SEMA4G: variants seen among roughly 807,000 people sequenced by gnomAD.
SEMA4G encodes the protein semaphorin-4G.
A neutral mutation model predicts 81.2 loss-of-function variants in SEMA4G; 59 were observed. The ratio of observed to expected loss-of-function variants is 0.73; its 90% CI spans 0.59 to 0.90. The LOEUF (loss-of-function observed/expected upper bound fraction) is 0.90, where lower values mean the gene tolerates loss of function less well. Among genes scored for constraint, SEMA4G ranks in the 40% least tolerant of loss-of-function variants. The probability of loss-of-function intolerance (pLI) is 0.00; values close to 1 mark genes in which losing one functional copy is unlikely to be tolerated. For missense variants in SEMA4G, 952 were observed against 1,102.3 expected, an observed-to-expected ratio of 0.86 and a Z score of 1.93; for synonymous variants, 404 against 433.9, an observed-to-expected ratio of 0.93 and a Z score of 0.86.
chr10:100,970,804 TTGCC>T (rs923134405), upstream of SEMA4G, among the ~76,000 whole-genome samples: 28 of 152,300 alleles, frequency 1.8e-4, no homozygotes, highest in Middle Eastern at 3.4e-3. Flanking sequence ...GTGAACATGA[TTGCC>T]TGGCCCACTA....
intron 3 of SEMA4G, among the ~76,000 whole-genome samples, chr10:100,977,380 G>GAC (rs1850845878): frequency 6.6e-6 from 1 of 152,330 alleles, no homozygotes; most frequent in Admixed American, 6.5e-5. Flanking sequence ...AACTGCAAGA[G>GAC]ACACAGGAGA....
upstream of SEMA4G, chr10:100,969,987 G>A (rs968058914): frequency 4.7e-6 from 2 of 429,102 alleles, no homozygotes; most frequent in Admixed American, 4.8e-5. Flanking sequence ...GGGGGTCCCG[G>A]GGGAGGGGCT....
intron 3 of SEMA4G, among the ~76,000 whole-genome samples, chr10:100,974,198 C>T (rs1850715958): frequency 6.6e-6 from 1 of 152,030 alleles, no homozygotes; most frequent in Non-Finnish European, 1.5e-5. Flanking sequence ...AACGCGGTGG[C>T]TCACATCTGT....
chr10:100,979,758 A>G, intron 8 of SEMA4G, 90 bp from the exon 10 acceptor site: 1 of 1,499,018 alleles, frequency 6.7e-7, no homozygotes, highest in Middle Eastern at 1.9e-4. Context: ...GGGGTTGGCC[A>G]GGGTAACAGT....
rs1164044499 is a variant in SEMA4G at position 100,979,409 on chromosome 10, A to G, written c.983+138A>G. The G allele has an allele frequency of 1.2e-5, 19 of 1,572,132 alleles. No homozygotes were observed. In the African/African-American group the frequency reaches 1.4e-4, roughly 11 times the overall value. ...GAATTTTTTTTTTTTTTTAAGAGGG[A>G]GTCTTGCTCTGTTGCCAGGCTGGAG... is the stretch of plus-strand genomic sequence containing the variant. On this transcript the variant is annotated intron_variant, in intron 8 of 13. Transcript: ENST00000370250.
chr10:100,983,878 A>C, exon 14 of SEMA4G: 1 of 1,557,806 alleles, frequency 6.4e-7, no homozygotes, highest in Non-Finnish European at 8.7e-7. Context: ...AGCTGTCTCC[A>C]GATCATCCCT....
exon 14 of SEMA4G, chr10:100,983,554 G>A (rs1204049997): frequency 5.6e-6 from 9 of 1,613,854 alleles, no homozygotes; most frequent in Non-Finnish European, 8.5e-7. Context: ...GCCTCCTATA[G>A]TCTCACAGTC....
At chr10:100,982,238 G>A (rs958193041) in intron 13 of SEMA4G, among the ~76,000 whole-genome samples, 1 of 152,026 alleles carries the variant, frequency 6.6e-6, no homozygotes, top group Admixed American at 6.6e-5. Context: ...GAGGGAGGCT[G>A]GCACATTTGA....
chr10:100,981,219 C>T (rs369529769), exon 13 of SEMA4G: 6 of 1,614,204 alleles, frequency 3.7e-6, no homozygotes, highest in Non-Finnish European at 5.1e-6. Flanking sequence ...GTGAGAGCAG[C>T]AGGGATACAG....
downstream of SEMA4G, chr10:100,984,907 A>G: frequency 1.4e-6 from 2 of 1,453,614 alleles, no homozygotes; most frequent in African/African-American, 2.8e-5. Context: ...ACAGAGCTCC[A>G]GGCATGTCCC....
intron 8 of SEMA4G, 53 bp downstream of exon 9, chr10:100,979,324 G>A: frequency 6.2e-7 from 1 of 1,614,084 alleles, no homozygotes; most frequent in Non-Finnish European, 8.5e-7. Flanking sequence ...ATAGGGGCTG[G>A]AGCAGAGGTC....
At position 100,983,904 on chromosome 10, in the gene SEMA4G, G is replaced by GA; in HGVS notation, c.2290_2291insA (p.Ala764AspfsTer13). 1 of 297,266 alleles carries GA rather than the reference G, an allele frequency of 3.4e-6. No homozygotes were observed. Among genetic ancestry groups the GA allele is most frequent in the Non-Finnish European group, 5.8e-6 (1 of 171,144 alleles). 18.4% of individuals were successfully genotyped at this position (297,266 alleles called of 1,614,324 possible). On this transcript the variant is annotated frameshift_variant, in exon 14 of 14. Coordinates refer to ENST00000370250, the Ensembl canonical transcript of SEMA4G. LOFTEE classifies it high-confidence loss of function. ...GATCATCCCTGGGGAGGGAGCCCCA[G>GA]CCCCACCACCCCCACCGCCCCCACC...
At chr10:100,978,923 T>G in exon 7 of SEMA4G, 1 of 1,614,216 alleles carries the variant, frequency 6.2e-7, no homozygotes. Flanking sequence ...CAAGGTGTAC[T>G]ACTTCTTCAC....
chr10:100,972,197 A>C (rs1188848127), upstream of SEMA4G, among the ~76,000 whole-genome samples: 1 of 152,102 alleles, frequency 6.6e-6, no homozygotes, highest in Non-Finnish European at 1.5e-5. Flanking sequence ...ACCGAGTTGC[A>C]TCTCATTGTT....
intron 3 of SEMA4G, chr10:100,974,950 A>G (rs886880941): frequency 4.0e-6 from 2 of 500,554 alleles, no homozygotes; most frequent in Admixed American, 2.3e-5. Flanking sequence ...TATCTCTAAT[A>G]AAAAATAATT....
chr10:100,973,650 CT>C lies in SEMA4G; in HGVS notation c.336+43del. ...TGTCCCCAGCTCCTTTCCTCCCCTTCTTCCTCAATCAGGGATGCCAGGATTG... is the reference window on the plus strand; with the variant it reads ...TGTCCCCAGCTCCTTTCCTCCCCTTCTCCTCAATCAGGGATGCCAGGATTG... On this transcript the variant is annotated intron_variant, in intron 3 of 13. Coordinates refer to ENST00000370250, the Ensembl canonical transcript of SEMA4G. The surrounding 1 kb of genome is among the most constrained non-coding windows in gnomAD (Gnocchi z 5.5). 1.3e-6 allele frequency: 2 copies of C among 1,583,734 alleles called. No individual in the cohort carries two copies. The highest frequency in any genetic ancestry group is 1.7e-6 in the Non-Finnish European group (2 of 1,154,206).
At chr10:100,975,895 C>CT (rs2133864184) in intron 3 of SEMA4G, among the ~76,000 whole-genome samples, 1 of 151,852 alleles carries the variant, frequency 6.6e-6, no homozygotes, top group Admixed American at 6.6e-5. Context: ...AAGACTCCGT[C>CT]TCAAAAAAAA....
chr10:100,978,240 G>A (rs905486641), intron 4 of SEMA4G, 55 bp from the exon 6 acceptor site: 2 of 1,363,246 alleles, frequency 1.5e-6, no homozygotes, highest in Non-Finnish European at 2.1e-6. Flanking sequence ...CTGACTTTGA[G>A]CCACTGTCCC....
chr10:100,980,252 T>A, exon 10 of SEMA4G: 1 of 1,614,252 alleles, frequency 6.2e-7, no homozygotes. Context: ...CGGCCCCTGC[T>A]GCTCAAGCGC....
Sources: gnomAD v4.1 joint callset for allele counts (sites outside exome capture counted in the v4.1 genomes callset) on GRCh38, gnomAD v4.1.1 for gene constraint, Gnocchi (gnomAD v3.1) non-coding constraint, MANE v1.5 for transcripts, NCBI Gene and HGNC (gene_info 2026-07-23, HGNC 2026-07-21) for gene names.